The following ADGRL3 variants were observed in gnomAD, a reference collection of about 807,000 sequenced individuals.
The protein encoded by ADGRL3 is calcium-independent alpha-latrotoxin receptor 3.
Under a neutral mutation model 153.5 loss-of-function variants are expected in ADGRL3, and 62 were observed. The ratio of observed to expected loss-of-function variants is 0.40; its 90% confidence interval spans 0.33 to 0.50. The LOEUF (loss-of-function observed/expected upper bound fraction) is 0.50, where lower values mean the gene tolerates loss of function less well. Ranked by LOEUF, ADGRL3 falls within the 20% of genes least tolerant of loss-of-function variation. The pLI is 0.47. For synonymous variants in ADGRL3, 710 were observed against 672.5 expected, an observed-to-expected ratio of 1.06 and a Z score of -0.86; for missense variants, 1,641 against 1,859.4, an observed-to-expected ratio of 0.88 and a Z score of 2.16.
intron 5 of ADGRL3, among the ~76,000 whole-genome samples, chr4:61,627,682 A>T (rs1413859843): frequency 6.6e-6 from 1 of 152,158 alleles, no homozygotes; most frequent in Non-Finnish European, 1.5e-5. Flanking sequence ...GCCTTTCAGT[A>T]TATTGGAATT....
intron 1 of ADGRL3, among the ~76,000 whole-genome samples, chr4:61,368,451 G>C (rs570496763): frequency 4.1e-4 from 63 of 152,076 alleles, no homozygotes; most frequent in Non-Finnish European, 7.2e-4. Flanking sequence ...ACATATGGCT[G>C]GCCAGTTTTC....
At chr4:61,857,695 C>T (rs2098292848) in intron 9 of ADGRL3, among the ~76,000 whole-genome samples, 1 of 148,866 alleles carries the variant, frequency 6.7e-6, no homozygotes, top group Non-Finnish European at 1.5e-5. Context: ...TCCTTTCTTC[C>T]TTCCTTTCTT....
chr4:61,573,899 G>A (rs867900213), intron 4 of ADGRL3, among the ~76,000 whole-genome samples: 4 of 151,882 alleles, frequency 2.6e-5, no homozygotes, highest in South Asian at 2.1e-4. Context: ...TTTAACAACC[G>A]CTAACCTTTC....
At chr4:61,845,729 G>T (rs1202330208) in intron 9 of ADGRL3, among the ~76,000 whole-genome samples, 5 of 151,896 alleles carry the variant, frequency 3.3e-5, no homozygotes, top group African/African-American at 1.2e-4. Flanking sequence ...CCCAGAATTT[G>T]CTCAGTGGTA....
At chr4:62,047,137 G>T (rs1434310624) in intron 25 of ADGRL3, among the ~76,000 whole-genome samples, 2 of 151,394 alleles carry the variant, frequency 1.3e-5, no homozygotes, top group Admixed American at 6.6e-5. Context: ...AATTCATTTA[G>T]TTTTTTATAG....
At chr4:61,663,349 A>C (rs575861750) in intron 5 of ADGRL3, among the ~76,000 whole-genome samples, 1 of 152,298 alleles carries the variant, frequency 6.6e-6, no homozygotes, top group East Asian at 1.9e-4. Context: ...TGCATTCTCC[A>C]ATGCCAGCCG....
chr4:61,868,574 C>A (rs956497342), intron 9 of ADGRL3, among the ~76,000 whole-genome samples: 1 of 152,156 alleles, frequency 6.6e-6, no homozygotes, highest in African/African-American at 2.4e-5. Context: ...GTCACTGTGA[C>A]CCTACTTGCC....
At position 61,856,988 on chromosome 4, in the gene ADGRL3, C is replaced by CT. The variant is rs1322891826; in HGVS notation, c.1481-35665dup. ...TCTTTCTTTCTTTCTTTCTTTCTTTCTTTCTTTCTTTCTTTCTTTCTTTCT... is the reference window on the plus strand; with the variant it reads ...TCTTTCTTTCTTTCTTTCTTTCTTTCTTTTCTTTCTTTCTTTCTTTCTTTCT... On this transcript the variant is annotated intron_variant, in intron 9 of 26. Transcript: ENST00000683033. Among the ~76,000 whole-genome samples the CT allele has an allele frequency of 2.5e-5, 3 of 118,304 alleles. No individual in the cohort carries two copies. The Admixed American group carries it at 3.2e-4, about 12-fold the overall frequency. The allele number at this position is 118,304 out of a possible 152,430, so 77.6% of individuals were successfully genotyped here. A position where few individuals can be genotyped will look rare whatever the true frequency, so the allele number is the denominator to read the frequency against.
At chr4:61,752,768 A>T (rs1176948342) in intron 8 of ADGRL3, among the ~76,000 whole-genome samples, 5 of 152,098 alleles carry the variant, frequency 3.3e-5, no homozygotes, top group Non-Finnish European at 7.3e-5. Flanking sequence ...CCTCGTTTCT[A>T]CAAAAAAATG....
chr4:61,712,885 A>G (rs1168817092), intron 6 of ADGRL3, among the ~76,000 whole-genome samples: 2 of 152,126 alleles, frequency 1.3e-5, no homozygotes, highest in African/African-American at 4.8e-5. Context: ...ATTGAAATGT[A>G]TTGTTTAAAA....
At chr4:61,430,967 A>G (rs1364176434) in intron 2 of ADGRL3, among the ~76,000 whole-genome samples, 1 of 152,104 alleles carries the variant, frequency 6.6e-6, no homozygotes, top group East Asian at 1.9e-4. Context: ...TTTCATAATC[A>G]ATGTCTTTGA....
At chr4:61,487,435 A>G (rs1198759066) in intron 2 of ADGRL3, among the ~76,000 whole-genome samples, 1 of 152,236 alleles carries the variant, frequency 6.6e-6, no homozygotes, top group East Asian at 1.9e-4. Flanking sequence ...CTGGCACAGT[A>G]AGGGCTTAAT....
At chr4:61,826,773 TG>T (rs992919961) in intron 9 of ADGRL3, among the ~76,000 whole-genome samples, 4 of 151,802 alleles carry the variant, frequency 2.6e-5, no homozygotes, top group African/African-American at 9.7e-5. Context: ...ATTACAGGGT[TG>T]GGGGAGAGGG....
chr4:61,714,221 G>GCA (rs57350284), intron 6 of ADGRL3, among the ~76,000 whole-genome samples: 6 of 150,848 alleles, frequency 4.0e-5, no homozygotes, highest in Admixed American at 4.0e-4. Flanking sequence ...TGTAAAATAC[G>GCA]CACACACACA....
intron 2 of ADGRL3, among the ~76,000 whole-genome samples, chr4:61,466,582 T>C (rs1375802700): frequency 6.6e-6 from 1 of 152,154 alleles, no homozygotes; most frequent in Non-Finnish European, 1.5e-5. Context: ...ATTTGGAAAA[T>C]TAAATATCGT....
At chr4:61,307,833 T>C (rs1378972705) in intron 1 of ADGRL3, among the ~76,000 whole-genome samples, 2 of 152,222 alleles carry the variant, frequency 1.3e-5, no homozygotes, top group African/African-American at 4.8e-5. Context: ...GTTTTTGTCC[T>C]GTTGGTTGGA....
chr4:61,986,272 C>A (rs1033424843), intron 19 of ADGRL3, among the ~76,000 whole-genome samples: 5 of 152,112 alleles, frequency 3.3e-5, no homozygotes, highest in African/African-American at 1.2e-4. Flanking sequence ...TAAGTAGCTC[C>A]ATTTTGCTCT....
intron 13 of ADGRL3, among the ~76,000 whole-genome samples, chr4:61,930,248 A>G (rs2098812363): frequency 6.6e-6 from 1 of 151,028 alleles, no homozygotes; most frequent in Non-Finnish European, 1.5e-5. Flanking sequence ...CTATTGGGGT[A>G]TTTATTTTTA....
chr4:61,665,990 A>G (rs908409404), intron 5 of ADGRL3, among the ~76,000 whole-genome samples: 1 of 152,244 alleles, frequency 6.6e-6, no homozygotes, highest in Admixed American at 6.5e-5. Context: ...GTTATAAAGC[A>G]TGAAGACAAC....
Sources: gnomAD v4.1 joint callset for allele counts (sites outside exome capture counted in the v4.1 genomes callset) on GRCh38, gnomAD v4.1.1 for gene constraint, MANE v1.5 for transcripts, NCBI Gene and HGNC (gene_info 2026-07-23, HGNC 2026-07-21) for gene names.